The following FRMPD3 variants were observed in gnomAD, a reference collection of about 807,000 sequenced individuals.
FRMPD3 encodes the protein FERM and PDZ domain-containing protein 3.
In FRMPD3, 42 loss-of-function variants were observed where a neutral mutation model predicts 97.9. That is an observed-to-expected ratio of 0.43 (90% CI 0.34 to 0.55). The LOEUF is 0.55. Ranked by LOEUF, FRMPD3 falls within the 20% of genes least tolerant of loss-of-function variation. The probability of loss-of-function intolerance (pLI) is 0.03; values close to 1 mark genes in which losing one functional copy is unlikely to be tolerated. For synonymous variants in FRMPD3, 577 were observed against 581.1 expected (o/e 0.99, Z 0.10); for missense variants, 1,303 against 1,457.7 (o/e 0.89, Z 1.73).
intron 3 of FRMPD3, among the ~76,000 whole-genome samples, chrX:107,532,788 G>A (rs1200314945): frequency 8.9e-6 from 1 of 112,397 alleles, no homozygotes; most frequent in African/African-American, 3.2e-5. Context: ...TAAGGAGAGG[G>A]GAAGCTCCTT....
Position 107,601,093 on chromosome X carries a change from C to T in FRMPD3, c.3054C>T (p.Thr1018=), listed in dbSNP as rs1277951036. The T allele has an allele frequency of 1.7e-6, 2 of 1,209,583 alleles. No homozygotes were observed. Among genetic ancestry groups the T allele is most frequent in the African/African-American group, 1.7e-5 (1 of 57,771 alleles). Residue 1018 remains threonine (T), a synonymous_variant, in exon 15 of 15, where the codon ACC becomes ACT. Coordinates refer to ENST00000683843, the MANE Select transcript of FRMPD3 (RefSeq NM_001388459.1). ...KFKISPSAPE[T]SWNSQHQLGA... The stretch of plus-strand genomic sequence containing the variant: ...AAATTAGCCCCAGTGCTCCAGAGAC[C>T]TCATGGAATTCTCAACATCAGCTGG...
intron 1 of FRMPD3, among the ~76,000 whole-genome samples, chrX:107,488,659 T>A (rs1414753076): frequency 1.8e-5 from 2 of 111,666 alleles, no homozygotes; most frequent in Non-Finnish European, 3.8e-5. Context: ...GCCACTGGGC[T>A]AGGTGTTTTG....
chrX:107,486,482 GT>G (rs1921506794), intron 1 of FRMPD3, among the ~76,000 whole-genome samples: 1 of 112,478 alleles, frequency 8.9e-6, no homozygotes, highest in Non-Finnish European at 1.9e-5. Context: ...TATTTTAGCT[GT>G]TATATTTAGG....
At chrX:107,557,407 G>T (rs1333854471) in intron 8 of FRMPD3, among the ~76,000 whole-genome samples, 1 of 110,464 alleles carries the variant, frequency 9.1e-6, no homozygotes, top group East Asian at 2.9e-4. Flanking sequence ...CTTCCAGTGT[G>T]TAGCTTTCCT....
chrX:107,475,203 T>C (rs757752220), intron 1 of FRMPD3, among the ~76,000 whole-genome samples: 1 of 111,671 alleles, frequency 9.0e-6, no homozygotes, highest in Non-Finnish European at 1.9e-5. Context: ...ATTCTCTCTC[T>C]TGTCCGGGTG....
intron 7 of FRMPD3, among the ~76,000 whole-genome samples, chrX:107,553,254 G>A (rs1233512537): frequency 1.8e-5 from 2 of 108,479 alleles, no homozygotes; most frequent in Non-Finnish European, 3.8e-5. Flanking sequence ...CTGCTTTCTG[G>A]GAGAAAACTT....
chrX:107,580,130 A>T (rs1402352443), intron 13 of FRMPD3, among the ~76,000 whole-genome samples: 1 of 112,083 alleles, frequency 8.9e-6, no homozygotes, highest in African/African-American at 3.2e-5. Flanking sequence ...ATATATAAAA[A>T]TAAGCTGCAT....
At chrX:107,462,787 CTCTCA>C (rs752650396) in intron 1 of FRMPD3, among the ~76,000 whole-genome samples, 52 of 112,027 alleles carry the variant, frequency 4.6e-4, no homozygotes, top group African/African-American at 1.7e-3. Context: ...AAAGGGAAAT[CTCTCA>C]TCTGGGTCTT....
At chrX:107,517,830 AAGGGAGGGAGGG>A (rs756926904) in intron 1 of FRMPD3, among the ~76,000 whole-genome samples, 103 of 74,679 alleles carry the variant, frequency 1.4e-3, no homozygotes, top group Non-Finnish European at 2.0e-3. Flanking sequence ...GGAAGGAAGG[AAGGGAGGGAGGG>A]AGGGAGGGAG....
chrX:107,511,198 G>T (rs757900015), intron 1 of FRMPD3, among the ~76,000 whole-genome samples: 1 of 111,729 alleles, frequency 9.0e-6, no homozygotes, highest in East Asian at 2.8e-4. Context: ...TGTCTATGCC[G>T]GGTCAGCTAT....
chrX:107,510,231 A>G (rs1922132299), intron 1 of FRMPD3, among the ~76,000 whole-genome samples: 1 of 111,181 alleles, frequency 9.0e-6, no homozygotes, highest in African/African-American at 3.3e-5. Flanking sequence ...CGTTTTTCCT[A>G]CTCTTTTTGA....
At chrX:107,503,530 C>T (rs1047807245) in intron 1 of FRMPD3, among the ~76,000 whole-genome samples, 5 of 112,046 alleles carry the variant, frequency 4.5e-5, no homozygotes, top group African/African-American at 1.6e-4. Context: ...ATTATCTATC[C>T]CAAGTCTTCG....
At chrX:107,500,447 A>G (rs1921876843) in intron 1 of FRMPD3, among the ~76,000 whole-genome samples, 1 of 112,481 alleles carries the variant, frequency 8.9e-6, no homozygotes, top group Non-Finnish European at 1.9e-5. Context: ...TTGGGCAAGT[A>G]ACTTAACCTC....
intron 1 of FRMPD3, among the ~76,000 whole-genome samples, chrX:107,465,739 AG>A (rs1931548194): frequency 9.0e-6 from 1 of 111,372 alleles, no homozygotes; most frequent in East Asian, 2.8e-4. Context: ...TCTAACTGTA[AG>A]GGTGCCTGAC....
chrX:107,495,882 T>C (rs1921764921), intron 1 of FRMPD3, among the ~76,000 whole-genome samples: 1 of 112,456 alleles, frequency 8.9e-6, no homozygotes, highest in South Asian at 3.7e-4. Flanking sequence ...GTTTGGTAAA[T>C]AGTGATACAT....
chrX:107,586,893 T>G (rs977776007), intron 13 of FRMPD3, among the ~76,000 whole-genome samples: 1 of 112,458 alleles, frequency 8.9e-6, no homozygotes, highest in Non-Finnish European at 1.9e-5. Flanking sequence ...TTAGAATAAG[T>G]GCCATGTGGC....
At chrX:107,522,182 G>A (rs182537149) in intron 1 of FRMPD3, among the ~76,000 whole-genome samples, 8 of 111,267 alleles carry the variant, frequency 7.2e-5, no homozygotes, top group Admixed American at 9.5e-5. Flanking sequence ...GTAGGGCTTC[G>A]GCTGTGTGAA....
chrX:107,555,696 G>A (rs1922049507), intron 8 of FRMPD3, among the ~76,000 whole-genome samples: 1 of 111,932 alleles, frequency 8.9e-6, no homozygotes, highest in African/African-American at 3.2e-5. Context: ...TCCAAACACT[G>A]GTATTTTTTT....
Position 107,539,056 on chromosome X carries a change from G to GAA in FRMPD3, c.297+5516_297+5517dup, listed in dbSNP as rs777332443. 6.4e-3 allele frequency among the ~76,000 whole-genome samples: 677 copies of GAA among 105,075 alleles called. 6 individuals are homozygous for GAA. Among genetic ancestry groups the GAA allele is most frequent in the African/African-American group, 0.022 (629 of 29,122 alleles). The allele number at this position is 105,075 out of a possible 115,157, so 91.2% of individuals were successfully genotyped here. On this transcript the variant is annotated intron_variant, in intron 4 of 14. Transcript: ENST00000683843. ...CTGATTCATTCGAGCAGCAGAGACA[G>GAA]AAAAAAAAAAAGAAAACATGAAAAT...
Sources: gnomAD v4.1 joint callset for allele counts (sites outside exome capture counted in the v4.1 genomes callset) on GRCh38, gnomAD v4.1.1 for gene constraint, MANE v1.5 for transcripts, NCBI Gene and HGNC (gene_info 2026-07-23, HGNC 2026-07-21) for gene names.